Variants in ZDHHC7 observed in about 807,000 individuals in gnomAD.
ZDHHC7 encodes zDHHC palmitoyltransferase 7.
ZDHHC7 carries 12 observed loss-of-function variants against 34.1 expected under a neutral mutation model. The ratio of observed to expected loss-of-function variants is 0.35; its 90% CI spans 0.23 to 0.57. The LOEUF is 0.57. ZDHHC7 is among the 20% of genes least tolerant of loss of function. The pLI is 0.84. For synonymous variants in ZDHHC7, 185 were observed against 155.4 expected, an observed-to-expected ratio of 1.19 and a Z score of -1.42; for missense variants, 388 against 402.7, an observed-to-expected ratio of 0.96 and a Z score of 0.31.
upstream of ZDHHC7, among the ~76,000 whole-genome samples, chr16:85,016,020 A>G (rs2072832659): frequency 6.6e-6 from 1 of 152,068 alleles, no homozygotes; most frequent in Non-Finnish European, 1.5e-5. Context: ...CTAAATTCCA[A>G]CAGGAGGAGG....
upstream of ZDHHC7, among the ~76,000 whole-genome samples, chr16:85,014,231 C>T (rs1234757977): frequency 6.6e-6 from 1 of 152,088 alleles, no homozygotes; most frequent in African/African-American, 2.4e-5. Context: ...TTCAGGATGG[C>T]CACCTGAGAA....
chr16:84,996,786 T>C (rs2072584073), intron 1 of ZDHHC7, among the ~76,000 whole-genome samples: 1 of 151,988 alleles, frequency 6.6e-6, no homozygotes, highest in South Asian at 2.1e-4. Flanking sequence ...CCCAGCACTT[T>C]GGGAGGCTGA....
chr16:84,977,849 C>G, intron 6 of ZDHHC7, 75 bp downstream of exon 6: 1 of 1,193,682 alleles, frequency 8.4e-7, no homozygotes, highest in Non-Finnish European at 1.2e-6. Flanking sequence ...AAAACTGGTT[C>G]TTCCTTTAAA....
upstream of ZDHHC7, among the ~76,000 whole-genome samples, chr16:85,014,193 C>A (rs74033908): frequency 1.3e-5 from 2 of 152,118 alleles, no homozygotes; most frequent in Non-Finnish European, 2.9e-5. Context: ...GGATTGGAAT[C>A]TAAAGAGAGT....
upstream of ZDHHC7, among the ~76,000 whole-genome samples, chr16:85,013,335 G>A (rs754282802): frequency 7.9e-5 from 12 of 151,796 alleles, no homozygotes; most frequent in East Asian, 1.9e-4. Flanking sequence ...CTCCACTTCC[G>A]GGGTTTAAGC....
intron 3 of ZDHHC7, among the ~76,000 whole-genome samples, chr16:84,982,732 T>C (rs1422335514): frequency 6.6e-6 from 1 of 152,258 alleles, no homozygotes; most frequent in Non-Finnish European, 1.5e-5. Context: ...ACCCGATTCA[T>C]GTCTGGCAAC....
intron 1 of ZDHHC7, among the ~76,000 whole-genome samples, chr16:85,003,108 G>C (rs1022332265): frequency 2.0e-5 from 3 of 152,158 alleles, no homozygotes; most frequent in Non-Finnish European, 2.9e-5. Flanking sequence ...GCAAGACCAA[G>C]ATGCAAGCGG....
chr16:85,018,292 C>G, the ZDHHC7 span, among the ~76,000 whole-genome samples: 1 of 152,108 alleles, frequency 6.6e-6, no homozygotes. Flanking sequence ...CAAAACTGAT[C>G]TTCGGTGTAG....
At chr16:85,016,091 C>T (rs958371045), upstream of ZDHHC7, among the ~76,000 whole-genome samples, 5 of 152,082 alleles carry the variant, frequency 3.3e-5, no homozygotes, top group Admixed American at 2.0e-4. Flanking sequence ...ACTAGTTTTT[C>T]AGGTGAGCTT....
chr16:85,025,880 C>A, the ZDHHC7 span, among the ~76,000 whole-genome samples: 1 of 152,192 alleles, frequency 6.6e-6, no homozygotes, highest in African/African-American at 2.4e-5. Context: ...TGGTCTTTGT[C>A]ACTGTTGTTT....
rs1156853046 is a variant in ZDHHC7, at chr16:85,011,458, C to G, written c.-276G>C. 1 of 152,124 alleles carries G rather than the reference C, an allele frequency of 6.6e-6. No homozygotes were observed. Among genetic ancestry groups the G allele is most frequent in the Non-Finnish European group, 1.5e-5 (1 of 67,928 alleles). 9.4% of individuals were successfully genotyped at this position (152,124 alleles called of 1,614,324 possible). ...GTCCCCTGGGTCCCGCCGGGCAGGT[C>G]GGAAGGAGGCTGCAGCCAAGCAAAT... is the stretch of plus-strand genomic sequence containing the variant. On this transcript the variant is annotated 5_prime_UTR_variant, in exon 1 of 8. Coordinates refer to ENST00000313732, the MANE Select transcript of ZDHHC7 (RefSeq NM_017740.3).
chr16:85,010,889 C>A (rs954823377), intron 1 of ZDHHC7, among the ~76,000 whole-genome samples: 6 of 152,210 alleles, frequency 3.9e-5, no homozygotes, highest in Non-Finnish European at 8.8e-5. Flanking sequence ...AGCCACAACG[C>A]GAAGTGCGAG....
intron 2 of ZDHHC7, among the ~76,000 whole-genome samples, chr16:84,991,584 G>A (rs552096128): frequency 1.1e-4 from 16 of 151,920 alleles, no homozygotes; most frequent in Admixed American, 2.0e-4. Context: ...CACTGCACCC[G>A]GCCTCTATTT....
chr16:84,999,722 G>A (rs1005347513), intron 1 of ZDHHC7, among the ~76,000 whole-genome samples: 1 of 152,192 alleles, frequency 6.6e-6, no homozygotes. Context: ...TGACTGTGGA[G>A]AGGGCCAAGG....
intron 3 of ZDHHC7, among the ~76,000 whole-genome samples, chr16:84,983,573 G>GC (rs895667599): frequency 3.3e-5 from 5 of 152,198 alleles, no homozygotes; most frequent in Admixed American, 3.3e-4. Flanking sequence ...TCCAAACAAG[G>GC]CCCCGTCAGT....
At chr16:85,024,240 T>G in the ZDHHC7 span, among the ~76,000 whole-genome samples, 156 of 148,952 alleles carry the variant, frequency 1.0e-3, 1 homozygote, top group Non-Finnish European at 1.8e-3. Context: ...GTTTTTTTTT[T>G]TTTTTTTTTG....
At chr16:85,012,163 CT>C, upstream of ZDHHC7, among the ~76,000 whole-genome samples, 1 of 152,142 alleles carries the variant, frequency 6.6e-6, no homozygotes, top group Admixed American at 6.5e-5. Flanking sequence ...AGGCTGATCA[CT>C]TGAGGTCAGG....
At chr16:85,013,759 G>A (rs527412558), upstream of ZDHHC7, among the ~76,000 whole-genome samples, 2 of 152,140 alleles carry the variant, frequency 1.3e-5, no homozygotes, top group African/African-American at 4.8e-5. Flanking sequence ...TGTGATCTCA[G>A]CTCGCTGCAA....
At chr16:85,000,707 C>G (rs1312042948) in intron 1 of ZDHHC7, among the ~76,000 whole-genome samples, 2 of 152,186 alleles carry the variant, frequency 1.3e-5, no homozygotes, top group Admixed American at 6.5e-5. Context: ...ATGAACAGTC[C>G]ACTCAATTCA....
Sources: gnomAD v4.1 joint callset for allele counts (sites outside exome capture counted in the v4.1 genomes callset) on GRCh38, gnomAD v4.1.1 for gene constraint, MANE v1.5 for transcripts, NCBI Gene and HGNC (gene_info 2026-07-23, HGNC 2026-07-21) for gene names.